HIVEP1: variants seen among roughly 807,000 people sequenced by gnomAD.
The protein encoded by HIVEP1 is zinc finger protein 40.
HIVEP1 carries 36 observed loss-of-function variants against 180.0 expected under a neutral mutation model. The ratio of observed to expected loss-of-function variants is 0.20; its 90% CI spans 0.15 to 0.26. The LOEUF (loss-of-function observed/expected upper bound fraction) is 0.26. HIVEP1 is among the 10% of genes least tolerant of loss of function. HIVEP1 has a pLI of 1.00. For synonymous variants in HIVEP1, 1,239 were observed against 1,239.0 expected, an observed-to-expected ratio of 1.00 and a Z score of 0.00; for missense variants, 3,143 against 3,268.7, an observed-to-expected ratio of 0.96 and a Z score of 0.94.
chr6:12,191,927 A>G, the HIVEP1 span, among the ~76,000 whole-genome samples: 4 of 152,324 alleles, frequency 2.6e-5, no homozygotes, highest in South Asian at 8.3e-4. Context: ...CATTTTATAG[A>G]TGAGGGAACT....
intron 7 of HIVEP1, among the ~76,000 whole-genome samples, chr6:12,149,937 T>A (rs527831342): frequency 2.6e-5 from 4 of 152,342 alleles, no homozygotes; most frequent in African/African-American, 9.6e-5. Context: ...TCTTATCTTT[T>A]AGCAGATGGA....
At chr6:12,022,444 A>G (rs977804689) in intron 2 of HIVEP1, among the ~76,000 whole-genome samples, 2 of 152,210 alleles carry the variant, frequency 1.3e-5, no homozygotes, top group African/African-American at 2.4e-5. Context: ...TGCTGGGATT[A>G]CAGGCATGAG....
chr6:12,044,764 G>A (rs1287514976), intron 2 of HIVEP1, among the ~76,000 whole-genome samples: 1 of 151,156 alleles, frequency 6.6e-6, no homozygotes, highest in Non-Finnish European at 1.5e-5. Flanking sequence ...CCCACTCAAA[G>A]CCAGTGCACC....
the HIVEP1 span, among the ~76,000 whole-genome samples, chr6:12,209,257 C>A: frequency 6.6e-6 from 1 of 152,138 alleles, no homozygotes; most frequent in Non-Finnish European, 1.5e-5. Flanking sequence ...CACGGTGAAA[C>A]CCTGTCTCTA....
intron 2 of HIVEP1, among the ~76,000 whole-genome samples, chr6:12,066,152 C>T (rs994547089): frequency 6.6e-6 from 1 of 151,934 alleles, no homozygotes; most frequent in Admixed American, 6.6e-5. Context: ...TCAAGGGGAG[C>T]GATTCTTACG....
chr6:12,129,667 C>T (rs1191651686), intron 4 of HIVEP1, 92 bp from the exon 5 acceptor site: 2 of 1,032,592 alleles, frequency 1.9e-6, no homozygotes, highest in Admixed American at 3.7e-5. Context: ...ACCATATGCT[C>T]TGTACTCTGC....
intron 7 of HIVEP1, among the ~76,000 whole-genome samples, chr6:12,138,371 A>G (rs1758816162): frequency 6.6e-6 from 1 of 152,174 alleles, no homozygotes; most frequent in Non-Finnish European, 1.5e-5. Context: ...ATTCTTTAAA[A>G]CAAACTTTTA....
At chr6:12,011,058 T>C (rs2113536695), upstream of HIVEP1, among the ~76,000 whole-genome samples, 1 of 152,336 alleles carries the variant, frequency 6.6e-6, no homozygotes, top group East Asian at 1.9e-4. Context: ...GAGCGGCCTC[T>C]GGAATAACCT....
Position 12,161,683 on chromosome 6 carries a change from C to T in HIVEP1, c.6732C>T (p.Asp2244=), listed in dbSNP as rs1454709536. The T allele has an allele frequency of 8.7e-6, 14 of 1,614,042 alleles. No homozygotes were observed. Among genetic ancestry groups the T allele is most frequent in the Admixed American group, 3.3e-5 (2 of 60,004 alleles). Residue 2244 remains aspartate, a synonymous_variant, in exon 8 of 9, where the codon GAC becomes GAT. Transcript: ENST00000379388. ...ITDCFSGVHT[D]PMDVLPRALL... ...ATTGCTTTTCTGGGGTACACACGGACCCAATGGACGTTCTGCCCAGGGCGC... is the reference window on the plus strand; with the variant it reads ...ATTGCTTTTCTGGGGTACACACGGATCCAATGGACGTTCTGCCCAGGGCGC...
chr6:12,012,029 G>C (rs1461531702), upstream of HIVEP1: 5 of 145,784 alleles, frequency 3.4e-5, no homozygotes, highest in African/African-American at 1.0e-4. Context: ...GACGCTAAAC[G>C]TGCCCTACTC....
chr6:12,042,308 C>T (rs1260727875), intron 2 of HIVEP1, among the ~76,000 whole-genome samples: 1 of 149,656 alleles, frequency 6.7e-6, no homozygotes, highest in Non-Finnish European at 1.5e-5. Flanking sequence ...GTCTCCATCT[C>T]CTGACCTCAT....
At chr6:12,091,690 C>A (rs1014193428) in intron 3 of HIVEP1, among the ~76,000 whole-genome samples, 1 of 151,968 alleles carries the variant, frequency 6.6e-6, no homozygotes, top group African/African-American at 2.4e-5. Flanking sequence ...TTATTTTATT[C>A]TTTTTCTCTT....
chr6:12,061,455 T>C (rs11754415), intron 2 of HIVEP1, among the ~76,000 whole-genome samples: 1 of 152,214 alleles, frequency 6.6e-6, no homozygotes, highest in Non-Finnish European at 1.5e-5. Context: ...GGTATCATTG[T>C]TATACAGATA....
intron 3 of HIVEP1, among the ~76,000 whole-genome samples, chr6:12,092,254 A>G (rs542316650): frequency 1.3e-5 from 2 of 152,270 alleles, no homozygotes; most frequent in Admixed American, 6.5e-5. Context: ...ATTATGTCAT[A>G]TAAGTATGTA....
chr6:12,010,832 A>G (rs897845408), upstream of HIVEP1, among the ~76,000 whole-genome samples: 6 of 152,070 alleles, frequency 3.9e-5, no homozygotes, highest in African/African-American at 1.4e-4. Flanking sequence ...ACTGCTTTCT[A>G]GCAGCCGGGG....
intron 1 of HIVEP1, among the ~76,000 whole-genome samples, chr6:12,015,009 C>T (rs867709843): frequency 6.6e-6 from 1 of 152,188 alleles, no homozygotes; most frequent in South Asian, 2.1e-4. Context: ...GAAGTCTCAT[C>T]CGCTCACAGG....
chr6:12,046,845 C>CTGTGTGTGTG (rs372934680), intron 2 of HIVEP1, among the ~76,000 whole-genome samples: 9,130 of 141,002 alleles, frequency 0.065, 350 homozygotes, highest in Middle Eastern at 0.14. Flanking sequence ...TGCCACTACA[C>CTGTGTGTGTG]TGTGTGTGTG....
chr6:12,161,321 G>T (rs1322015579), intron 7 of HIVEP1, 118 bp from the exon 8 acceptor site: 5 of 948,134 alleles, frequency 5.3e-6, no homozygotes, highest in South Asian at 1.6e-5. Context: ...CTCGTTGTGG[G>T]CAGGGTCCTT....
At chr6:12,178,603 T>C in the HIVEP1 span, among the ~76,000 whole-genome samples, 2 of 152,314 alleles carry the variant, frequency 1.3e-5, no homozygotes, top group Non-Finnish European at 2.9e-5. Flanking sequence ...ACATCTGGTA[T>C]GGCAGGGCTG....
Sources: gnomAD v4.1 joint callset for allele counts (sites outside exome capture counted in the v4.1 genomes callset) on GRCh38, gnomAD v4.1.1 for gene constraint, MANE v1.5 for transcripts, NCBI Gene and HGNC (gene_info 2026-07-23, HGNC 2026-07-21) for gene names.